MLIP: variants seen among roughly 807,000 people sequenced by gnomAD.
The protein encoded by MLIP is muscular LMNA interacting protein, also known as muscular LMNA-interacting protein.
A neutral mutation model predicts 84.8 loss-of-function variants in MLIP; 79 were observed. The ratio of observed to expected loss-of-function variants is 0.93; its 90% CI spans 0.78 to 1.12. MLIP has a LOEUF of 1.12. Among genes scored for constraint, MLIP ranks in the 50% most tolerant of loss-of-function variants. The pLI is 0.00. For synonymous variants in MLIP, 504 were observed against 463.0 expected, an observed-to-expected ratio of 1.09 and a Z score of -1.14; for missense variants, 1,257 against 1,160.6, an observed-to-expected ratio of 1.08 and a Z score of -1.21.
intron 13 of MLIP, chr6:54,261,526 A>G: frequency 1.0e-6 from 1 of 961,250 alleles, no homozygotes; most frequent in African/African-American, 1.8e-5. Context: ...ATTTTTGATA[A>G]ACATTTAATG....
At chr6:54,044,957 C>T (rs900011511) in intron 1 of MLIP, among the ~76,000 whole-genome samples, 3 of 152,070 alleles carry the variant, frequency 2.0e-5, no homozygotes, top group African/African-American at 4.8e-5. Context: ...GTAGAAAATT[C>T]TAGATTTTTA....
chr6:54,073,832 C>T (rs1766631610), intron 1 of MLIP, among the ~76,000 whole-genome samples: 1 of 152,220 alleles, frequency 6.6e-6, no homozygotes, highest in African/African-American at 2.4e-5. Context: ...TTAAACTCCT[C>T]TTGCAAAGGC....
intron 1 of MLIP, among the ~76,000 whole-genome samples, chr6:54,098,800 T>C (rs1349400326): frequency 3.3e-5 from 5 of 152,182 alleles, no homozygotes; most frequent in South Asian, 2.1e-4. Flanking sequence ...TGCCAAATAC[T>C]GTTCCAAAGG....
At chr6:54,035,209 C>A (rs1019571590) in intron 1 of MLIP, among the ~76,000 whole-genome samples, 3 of 152,208 alleles carry the variant, frequency 2.0e-5, no homozygotes, top group African/African-American at 7.2e-5. Context: ...TGTCATTAAG[C>A]GATGCCTGAC....
At chr6:54,207,614 C>T (rs1198066571) in intron 11 of MLIP, among the ~76,000 whole-genome samples, 1 of 152,070 alleles carries the variant, frequency 6.6e-6, no homozygotes, top group Non-Finnish European at 1.5e-5. Flanking sequence ...AGCAAACACC[C>T]AAAGAAGACT....
At chr6:54,055,129 G>T (rs537661946) in intron 1 of MLIP, among the ~76,000 whole-genome samples, 2 of 152,008 alleles carry the variant, frequency 1.3e-5, no homozygotes, top group African/African-American at 2.4e-5. Flanking sequence ...CTCGTGATCC[G>T]CCTGTCTCGG....
At chr6:54,245,376 CAG>C (rs1782008169) in intron 12 of MLIP, among the ~76,000 whole-genome samples, 1 of 152,144 alleles carries the variant, frequency 6.6e-6, no homozygotes, top group African/African-American at 2.4e-5. Flanking sequence ...GAATAAATTG[CAG>C]AGTTATCCAC....
chr6:54,262,351 G>A (rs145501883), intron 13 of MLIP, among the ~76,000 whole-genome samples: 12 of 152,112 alleles, frequency 7.9e-5, no homozygotes, highest in Middle Eastern at 3.4e-3. Flanking sequence ...CTCACCCTTC[G>A]TATAGCCAAG....
chr6:54,138,685 T>G (rs1772040762), intron 4 of MLIP, among the ~76,000 whole-genome samples: 1 of 152,180 alleles, frequency 6.6e-6, no homozygotes, highest in South Asian at 2.1e-4. Flanking sequence ...CATCCAAATA[T>G]CCTGTACTGA....
At chr6:54,171,539 A>G (rs1775772492) in intron 9 of MLIP, among the ~76,000 whole-genome samples, 1 of 151,578 alleles carries the variant, frequency 6.6e-6, no homozygotes, top group African/African-American at 2.4e-5. Flanking sequence ...ATATTTGTAC[A>G]TATTTGGCTG....
intron 3 of MLIP, among the ~76,000 whole-genome samples, chr6:54,125,960 C>T (rs1294789538): frequency 6.6e-6 from 1 of 151,376 alleles, no homozygotes; most frequent in Non-Finnish European, 1.5e-5. Flanking sequence ...CATCTAGTAT[C>T]TTGTATTGTC....
intron 1 of MLIP, among the ~76,000 whole-genome samples, chr6:54,075,991 T>C (rs1273729928): frequency 1.3e-5 from 2 of 152,184 alleles, no homozygotes; most frequent in Non-Finnish European, 2.9e-5. Context: ...GTTTGACAAA[T>C]GGTACAAAAA....
chr6:54,040,369 A>T (rs1461043075), intron 1 of MLIP, among the ~76,000 whole-genome samples: 1 of 152,030 alleles, frequency 6.6e-6, no homozygotes, highest in African/African-American at 2.4e-5. Context: ...GTAAATGGTG[A>T]CTGCTCAAGA....
At chr6:54,229,577 T>C (rs954597056) in intron 11 of MLIP, among the ~76,000 whole-genome samples, 1 of 152,146 alleles carries the variant, frequency 6.6e-6, no homozygotes, top group Admixed American at 6.5e-5. Flanking sequence ...TGTTCATGTG[T>C]TCTTATTTTT....
chr6:54,217,724 G>T, intron 11 of MLIP: 4 of 984,884 alleles, frequency 4.1e-6, no homozygotes, highest in Non-Finnish European at 4.8e-6. Flanking sequence ...ACTAAAAAGC[G>T]GTTTAAAGCA....
rs1771976125 is a variant in MLIP, at chr6:54,138,093, G to A, written c.2024G>A (p.Ser675Asn). 1 of 1,536,034 alleles carries A rather than the reference G, an allele frequency of 6.5e-7. No homozygotes were observed. Among genetic ancestry groups the A allele is most frequent in the Non-Finnish European group, 8.7e-7 (1 of 1,146,882 alleles). Residue 675 changes from serine (S) to asparagine (N), a missense_variant, in exon 4 of 14, where the codon AGT (serine) becomes AAT (asparagine). Ser to Asn is a conservative substitution (Grantham distance 46, BLOSUM62 1). Transcript: ENST00000502396. ...ANLPTLVPQLSPSALHPHCGS... is the reference protein window; with the variant it reads ...ANLPTLVPQLNPSALHPHCGS... ...CTGCCCACCCTGGTGCCCCAGCTCA[G>A]TCCCTCAGCTCTGCACCCACATTGC...
intron 1 of MLIP, among the ~76,000 whole-genome samples, chr6:54,028,162 A>G (rs1277935212): frequency 4.6e-5 from 7 of 152,156 alleles, no homozygotes; most frequent in Admixed American, 3.3e-4. Flanking sequence ...TTGTAGTTCA[A>G]TTGCTGGTCT....
intron 5 of MLIP, among the ~76,000 whole-genome samples, chr6:54,150,915 G>T (rs1198880273): frequency 6.6e-6 from 1 of 152,090 alleles, no homozygotes; most frequent in Non-Finnish European, 1.5e-5. Flanking sequence ...TGTGTATTTA[G>T]CCTATTATAC....
At chr6:54,216,569 A>G (rs943272802) in intron 11 of MLIP, 3 of 980,574 alleles carry the variant, frequency 3.1e-6, no homozygotes, top group African/African-American at 1.8e-5. Flanking sequence ...AAGTTATCCA[A>G]ATTCTATCTT....
Sources: allele counts gnomAD v4.1 joint callset (sites outside exome capture counted in the v4.1 genomes callset), GRCh38; gene constraint gnomAD v4.1.1; transcripts MANE v1.5; gene names NCBI Gene and HGNC (gene_info 2026-07-23, HGNC 2026-07-21).